Variants in EFR3B observed in about 807,000 individuals in gnomAD.
EFR3B encodes the protein EFR3 homolog B.
In EFR3B, 64 loss-of-function variants were observed where a neutral mutation model predicts 104.7. The ratio of observed to expected loss-of-function variants is 0.61; its 90% CI spans 0.50 to 0.75. The LOEUF (loss-of-function observed/expected upper bound fraction) is 0.75. EFR3B is among the 30% of genes least tolerant of loss of function. EFR3B has a pLI of 0.00. For missense variants in EFR3B, 750 were observed against 1,078.5 expected (o/e 0.70, Z 4.27); for synonymous variants, 385 against 417.9 (o/e 0.92, Z 0.96).
chr2:25,100,511 G>C (rs1669401768), intron 3 of EFR3B, among the ~76,000 whole-genome samples: 1 of 151,246 alleles, frequency 6.6e-6, no homozygotes, highest in Non-Finnish European at 1.5e-5. Flanking sequence ...TCTTTTTTTT[G>C]AGACGGAGTC....
intron 10 of EFR3B, among the ~76,000 whole-genome samples, chr2:25,132,701 C>T (rs1292306379): frequency 6.6e-6 from 1 of 151,914 alleles, no homozygotes; most frequent in African/African-American, 2.4e-5. Context: ...AAAAACGGAG[C>T]CTGGAAGAGA....
chr2:25,131,824 A>C lies in EFR3B; in HGVS notation c.1060A>C (p.Ser354Arg). 1 of 1,549,742 alleles carries C rather than the reference A, an allele frequency of 6.5e-7. No individual in the cohort carries two copies. Among genetic ancestry groups the C allele is most frequent in the Non-Finnish European group, 8.7e-7 (1 of 1,146,434 alleles). The stretch of plus-strand genomic sequence containing the variant: ...CAGCATCGACTACGCGCTGACCGGG[A>C]GCTACGACGGGGCGGTCAGCCTCGG... Reference protein sequence around the residue: ...RLSIDYALTGSYDGAVSLGTK... With the variant: ...RLSIDYALTGRYDGAVSLGTK... The change falls in exon 10 of 23, where the codon AGC becomes CGC. Residue 354 changes from serine to arginine, a missense_variant. Physicochemically the swap from Ser to Arg is moderately radical, Grantham distance 110. Coordinates refer to ENST00000403714, the MANE Select transcript of EFR3B (RefSeq NM_014971.2). The surrounding 1 kb of genome is among the most constrained non-coding windows in gnomAD (Gnocchi z 7.6).
chr2:25,043,030 G>A (rs1667616094), intron 1 of EFR3B, among the ~76,000 whole-genome samples: 1 of 152,138 alleles, frequency 6.6e-6, no homozygotes, highest in South Asian at 2.1e-4. Context: ...TTGATCATTT[G>A]CTAGGACTCC....
Position 25,153,696 on chromosome 2 carries a change from G to A in EFR3B, c.2299-16G>A, listed in dbSNP as rs1185246494. The A allele has an allele frequency of 1.2e-5, 18 of 1,500,652 alleles. No individual in the cohort carries two copies. Among genetic ancestry groups the A allele is most frequent in the Admixed American group, 1.1e-4 (5 of 47,470 alleles). 93.0% of individuals were successfully genotyped at this position (1,500,652 alleles called of 1,614,324 possible). ...CCCCCACCCCTGCCAGCTCACTTCC[G>A]TGTGTTTGTGTCTAGGCATCGCTGC... On this transcript the variant is annotated splice_polypyrimidine_tract_variant and intron_variant, in intron 21 of 22. Coordinates refer to ENST00000403714, the MANE Select transcript of EFR3B (RefSeq NM_014971.2).
At chr2:25,065,082 G>A (rs866158317) in intron 1 of EFR3B, among the ~76,000 whole-genome samples, 2 of 152,108 alleles carry the variant, frequency 1.3e-5, no homozygotes, top group Admixed American at 6.6e-5. Flanking sequence ...CACCTGGCGG[G>A]GGGGGCGGGG....
At chr2:25,138,946 G>A (rs1356650662) in intron 15 of EFR3B, 113 bp from the exon 16 acceptor site, 28 of 1,425,384 alleles carry the variant, frequency 2.0e-5, no homozygotes, top group Middle Eastern at 2.0e-4. Context: ...GAAAGACTTA[G>A]TCTAGGAAAG....
At position 25,131,138 on chromosome 2, in the gene EFR3B, A is replaced by C. The variant is rs909621284; in HGVS notation, c.850-230A>C. ...TGGTCTTTTGACCAATTTTGAAGTA[A>C]AAGGGCCCTGGAAAACTGTCAGCTG... On this transcript the variant is annotated intron_variant, in intron 8 of 22. Coordinates refer to ENST00000403714, the MANE Select transcript of EFR3B (RefSeq NM_014971.2). This position sits in a 1 kb window ranked among gnomAD's most constrained non-coding sequence, Gnocchi z 7.6. 3.3e-5 allele frequency among the ~76,000 whole-genome samples: 5 copies of C among 152,218 alleles called. No individual in the cohort carries two copies. Among genetic ancestry groups the C allele is most frequent in the Admixed American group, 6.5e-5 (1 of 15,276 alleles).
intron 3 of EFR3B, among the ~76,000 whole-genome samples, chr2:25,100,517 G>A (rs915143128): frequency 1.3e-5 from 2 of 151,698 alleles, no homozygotes; most frequent in Non-Finnish European, 2.9e-5. Flanking sequence ...TTTTGAGACG[G>A]AGTCTCACTC....
At chr2:25,078,784 T>C (rs1668704640) in intron 1 of EFR3B, among the ~76,000 whole-genome samples, 1 of 152,200 alleles carries the variant, frequency 6.6e-6, no homozygotes, top group Non-Finnish European at 1.5e-5. Flanking sequence ...ACGCTGTGCC[T>C]GTGGTCGGAG....
intron 4 of EFR3B, among the ~76,000 whole-genome samples, chr2:25,119,950 T>A (rs1669968171): frequency 6.6e-6 from 1 of 152,172 alleles, no homozygotes; most frequent in Non-Finnish European, 1.5e-5. Flanking sequence ...ACCCAACACA[T>A]GTTTATAAAA....
chr2:25,154,363 A>G lies in EFR3B; in HGVS notation c.*23A>G. On this transcript the variant is annotated 3_prime_UTR_variant, in exon 23 of 23. Coordinates refer to ENST00000403714, the MANE Select transcript of EFR3B (RefSeq NM_014971.2). This position sits in a 1 kb window ranked among gnomAD's most constrained non-coding sequence, Gnocchi z 4.1. Reference sequence around the variant, plus strand: ...TGAATTCCAAGAGCCTGAGCTCCTCAAGGAGATGGGGTCTGAGGAGGGGCT... The same window carrying G: ...TGAATTCCAAGAGCCTGAGCTCCTCGAGGAGATGGGGTCTGAGGAGGGGCT... 1 of 1,547,176 alleles carries G rather than the reference A, an allele frequency of 6.5e-7. No individual in the cohort carries two copies. The highest frequency in any genetic ancestry group is 8.8e-7 in the Non-Finnish European group (1 of 1,142,720).
rs1267128747 is a variant in EFR3B, at chr2:25,158,277, T to C, written c.*3937T>C. ...TGGCAGCTGGCCGGTTGGGGTCCTG[T>C]GGGAAAGGGCTAACCTGGGCTGTTA... is the stretch of plus-strand genomic sequence containing the variant. On this transcript the variant is annotated 3_prime_UTR_variant, in exon 23 of 23. Transcript: ENST00000403714. The C allele has an allele frequency of 6.6e-6, 1 of 152,364 alleles. No homozygotes were observed. Among genetic ancestry groups the C allele is most frequent in the South Asian group, 2.1e-4 (1 of 4,830 alleles). The allele number at this position is 152,364 out of a possible 1,614,324, so 9.4% of individuals were successfully genotyped here.
intron 1 of EFR3B, among the ~76,000 whole-genome samples, chr2:25,044,337 T>A (rs529671313): frequency 2.0e-4 from 31 of 152,226 alleles, no homozygotes; most frequent in African/African-American, 7.5e-4. Flanking sequence ...CTGCTTGGAT[T>A]TTCGTATATT....
At chr2:25,104,641 C>T (rs1029719418) in intron 4 of EFR3B, among the ~76,000 whole-genome samples, 6 of 152,192 alleles carry the variant, frequency 3.9e-5, no homozygotes, top group African/African-American at 1.4e-4. Context: ...GGTTATGCCC[C>T]TTTCAAAGAT....
At position 25,137,750 on chromosome 2, in the gene EFR3B, G is replaced by A. The variant is rs190802822; in HGVS notation, c.1722+248G>A. Among the ~76,000 whole-genome samples the A allele has an allele frequency of 2.0e-4, 30 of 152,292 alleles. No homozygotes were observed. The highest frequency in any genetic ancestry group is 5.1e-4 in the African/African-American group (21 of 41,552). On this transcript the variant is annotated intron_variant, in intron 15 of 22. Coordinates refer to ENST00000403714, the MANE Select transcript of EFR3B (RefSeq NM_014971.2). This position sits in a 1 kb window ranked among gnomAD's most constrained non-coding sequence, Gnocchi z 4.7. Reference sequence around the variant, plus strand: ...TAAAGAAGACCCAGGGAACCGGGTCGTTCAGAAACATCCCTTAGCTACTAC... The same window carrying A: ...TAAAGAAGACCCAGGGAACCGGGTCATTCAGAAACATCCCTTAGCTACTAC...
rs950534571 is a variant in EFR3B, at chr2:25,136,016, T to C, written c.1484+377T>C. Among the ~76,000 whole-genome samples the C allele has an allele frequency of 3.3e-5, 5 of 151,822 alleles. No individual in the cohort carries two copies. Among genetic ancestry groups the C allele is most frequent in the African/African-American group, 4.8e-5 (2 of 41,298 alleles). ...AAGAGGAGGAAGAAAATAATCAGGATGAAGATTTAAGAGAAAGGGGGTCAG... is the reference window on the plus strand; with the variant it reads ...AAGAGGAGGAAGAAAATAATCAGGACGAAGATTTAAGAGAAAGGGGGTCAG... On this transcript the variant is annotated intron_variant, in intron 13 of 22. Coordinates refer to ENST00000403714, the MANE Select transcript of EFR3B (RefSeq NM_014971.2). This position sits in a 1 kb window ranked among gnomAD's most constrained non-coding sequence, Gnocchi z 4.0.
chr2:25,068,722 C>T (rs555197524), intron 1 of EFR3B, among the ~76,000 whole-genome samples: 28 of 151,550 alleles, frequency 1.8e-4, no homozygotes, highest in African/African-American at 5.6e-4. Flanking sequence ...CTCCACCTCC[C>T]GGGTTCATGC....
intron 5 of EFR3B, among the ~76,000 whole-genome samples, chr2:25,125,334 G>C (rs544215309): frequency 1.3e-5 from 2 of 152,218 alleles, no homozygotes; most frequent in South Asian, 4.1e-4. Context: ...CCACTTGGAC[G>C]GGACAAACGA....
At chr2:25,129,344 G>GT in intron 6 of EFR3B, among the ~76,000 whole-genome samples, 1 of 133,948 alleles carries the variant, frequency 7.5e-6, no homozygotes, top group East Asian at 2.3e-4. Context: ...GGGCGGGGGC[G>GT]GGGGCGGGGC....
Sources: gnomAD v4.1 joint callset for allele counts (sites outside exome capture counted in the v4.1 genomes callset) on GRCh38, gnomAD v4.1.1 for gene constraint, Gnocchi (gnomAD v3.1) non-coding constraint, MANE v1.5 for transcripts, NCBI Gene and HGNC (gene_info 2026-07-23, HGNC 2026-07-21) for gene names.